CRB1: variants seen among roughly 807,000 people sequenced by gnomAD.
CRB1 encodes protein crumbs homolog 1.
CRB1 carries 83 observed loss-of-function variants against 120.0 expected under a neutral mutation model. That is an observed-to-expected ratio of 0.69 (90% CI 0.58 to 0.83). CRB1 has a LOEUF of 0.83. CRB1 is among the 40% of genes least tolerant of loss of function. The pLI is 0.00. For synonymous variants in CRB1, 625 were observed against 612.5 expected (o/e 1.02, Z -0.30); for missense variants, 1,699 against 1,687.6 (o/e 1.01, Z -0.12).
At chr1:197,324,386 T>C (rs1658377838) in intron 1 of CRB1, among the ~76,000 whole-genome samples, 1 of 152,232 alleles carries the variant, frequency 6.6e-6, no homozygotes, top group African/African-American at 2.4e-5. Flanking sequence ...TAATAAGATA[T>C]ATGTACTTTG....
intron 3 of CRB1, 55 bp downstream of exon 3, chr1:197,344,531 T>C (rs1373342724): frequency 1.3e-6 from 2 of 1,521,720 alleles, no homozygotes; most frequent in African/African-American, 2.7e-5. Context: ...CCATGAACTA[T>C]TTTACCACTC....
At chr1:197,371,473 T>C (rs1310026932) in intron 5 of CRB1, among the ~76,000 whole-genome samples, 2 of 152,160 alleles carry the variant, frequency 1.3e-5, no homozygotes, top group African/African-American at 2.4e-5. Flanking sequence ...TCCTCCCTCA[T>C]TGTTACCCTA....
chr1:197,259,591 C>T, the CRB1 span, among the ~76,000 whole-genome samples: 83 of 152,144 alleles, frequency 5.5e-4, no homozygotes, highest in African/African-American at 1.9e-3. Flanking sequence ...GGGCTTGAAA[C>T]CTAGGTGATG....
At chr1:197,470,253 A>T (rs1666923586) in intron 11 of CRB1, among the ~76,000 whole-genome samples, 1 of 152,204 alleles carries the variant, frequency 6.6e-6, no homozygotes, top group South Asian at 2.1e-4. Context: ...TTACAGCAGG[A>T]TACACACAAA....
intron 5 of CRB1, among the ~76,000 whole-genome samples, chr1:197,388,429 G>C (rs1662331247): frequency 2.0e-5 from 3 of 152,000 alleles, no homozygotes; most frequent in Admixed American, 2.0e-4. Context: ...GAGTTTTTAA[G>C]AATGTCAAAA....
intron 5 of CRB1, among the ~76,000 whole-genome samples, chr1:197,405,434 A>C (rs1571486703): frequency 1.3e-5 from 2 of 148,332 alleles, no homozygotes; most frequent in African/African-American, 2.5e-5. Context: ...TACAACCTCC[A>C]CCTCCCAGCC....
chr1:197,375,513 G>A (rs1397322793), intron 5 of CRB1, among the ~76,000 whole-genome samples: 1 of 152,090 alleles, frequency 6.6e-6, no homozygotes, highest in Non-Finnish European at 1.5e-5. Context: ...TAAGGATCTT[G>A]CATTCTTGGT....
chr1:197,208,700 A>AGGT, the CRB1 span, among the ~76,000 whole-genome samples: 1 of 152,126 alleles, frequency 6.6e-6, no homozygotes, highest in Non-Finnish European at 1.5e-5. Context: ...TCTAGCCAGG[A>AGGT]GGTGATGCTT....
At chr1:197,398,799 A>G (rs1382178432) in intron 5 of CRB1, among the ~76,000 whole-genome samples, 6 of 152,044 alleles carry the variant, frequency 3.9e-5, no homozygotes, top group South Asian at 2.1e-4. Context: ...GGCACTATAT[A>G]TACATATTTC....
intron 11 of CRB1, among the ~76,000 whole-genome samples, chr1:197,464,193 A>G (rs933406187): frequency 6.6e-6 from 1 of 152,138 alleles, no homozygotes; most frequent in African/African-American, 2.4e-5. Context: ...TTTTACACCC[A>G]ACGCCGTCAG....
Position 197,322,246 on chromosome 1 carries a change from C to T in CRB1, c.71-6176C>T, listed in dbSNP as rs547385909. Reference sequence around the variant, plus strand: ...CTGTAATCCCAGCACATTGGGGGGCCGAGGTAGACAGATCACTTGAAACCA... The same window carrying T: ...CTGTAATCCCAGCACATTGGGGGGCTGAGGTAGACAGATCACTTGAAACCA... On this transcript the variant is annotated intron_variant, in intron 1 of 11. Coordinates refer to ENST00000367400, the MANE Select transcript of CRB1 (RefSeq NM_201253.3). 3.9e-5 allele frequency among the ~76,000 whole-genome samples: 6 copies of T among 151,928 alleles called. No individual in the cohort carries two copies. In the South Asian group the frequency reaches 8.3e-4, roughly 21 times the overall value.
the CRB1 span, among the ~76,000 whole-genome samples, chr1:197,259,097 A>T: frequency 1.3e-5 from 2 of 152,234 alleles, no homozygotes; most frequent in Non-Finnish European, 2.9e-5. Context: ...AAGTTAGTTC[A>T]ACCATTGTGG....
intron 11 of CRB1, among the ~76,000 whole-genome samples, chr1:197,460,001 C>CTTTT (rs10679172): frequency 0.025 from 1,852 of 75,536 alleles, 111 homozygotes; most frequent in African/African-American, 0.061. Flanking sequence ...AAGCCCCCCT[C>CTTTT]TTTTTTTTTT....
chr1:197,225,450 T>C, the CRB1 span, among the ~76,000 whole-genome samples: 2 of 152,228 alleles, frequency 1.3e-5, no homozygotes, highest in East Asian at 3.8e-4. Context: ...AGCAGCTCTT[T>C]CCATCCCTCT....
intron 1 of CRB1, among the ~76,000 whole-genome samples, chr1:197,310,582 C>T (rs576378072): frequency 3.3e-5 from 5 of 152,100 alleles, no homozygotes; most frequent in Non-Finnish European, 5.9e-5. Context: ...TTAAGAGAAG[C>T]TTTAGAGTTC....
intron 11 of CRB1, among the ~76,000 whole-genome samples, chr1:197,450,819 G>C (rs1665930353): frequency 7.0e-6 from 1 of 142,268 alleles, no homozygotes; most frequent in East Asian, 2.1e-4. Context: ...AATTAGCTGG[G>C]CGTGGTGGCC....
At chr1:197,446,070 A>G (rs915091873) in intron 11 of CRB1, among the ~76,000 whole-genome samples, 2 of 152,030 alleles carry the variant, frequency 1.3e-5, no homozygotes, top group Admixed American at 6.6e-5. Context: ...CATGCCTGTA[A>G]TCCCAGCCAC....
intron 5 of CRB1, among the ~76,000 whole-genome samples, chr1:197,385,148 C>T (rs1571443509): frequency 6.6e-6 from 1 of 152,108 alleles, no homozygotes; most frequent in South Asian, 2.1e-4. Context: ...CTACCCTCCC[C>T]CAGCTCATAT....
chr1:197,289,593 T>C (rs1001563319), intron 1 of CRB1, among the ~76,000 whole-genome samples: 8 of 151,862 alleles, frequency 5.3e-5, no homozygotes, highest in Admixed American at 1.3e-4. Flanking sequence ...ACTTTGAATA[T>C]GGTCTCTTCG....
Sources: allele counts gnomAD v4.1 joint callset (sites outside exome capture counted in the v4.1 genomes callset), GRCh38; gene constraint gnomAD v4.1.1; transcripts MANE v1.5; gene names NCBI Gene and HGNC (gene_info 2026-07-23, HGNC 2026-07-21).